TTC39B: variants seen among roughly 807,000 people sequenced by gnomAD.
TTC39B encodes tetratricopeptide repeat protein 39B.
TTC39B carries 92 observed loss-of-function variants against 96.6 expected under a neutral mutation model. That is an observed-to-expected ratio of 0.95 (90% CI 0.80 to 1.13). The LOEUF (loss-of-function observed/expected upper bound fraction) is 1.13, where lower values mean the gene tolerates loss of function less well. TTC39B is among the 50% of genes most tolerant of loss of function. The pLI, the probability that TTC39B is intolerant of heterozygous loss-of-function variation, is 0.00. For synonymous variants in TTC39B, 367 were observed against 299.4 expected (o/e 1.23, Z -2.33); for missense variants, 955 against 809.3 (o/e 1.18, Z -2.18).
intron 3 of TTC39B, among the ~76,000 whole-genome samples, 192 bp downstream of exon 3, chr9:15,225,725 T>G (rs1223678655): frequency 6.6e-6 from 1 of 152,242 alleles, no homozygotes; most frequent in African/African-American, 2.4e-5. Flanking sequence ...GTGCCACCTA[T>G]TCACTGAGTC....
chr9:15,272,501 T>C (rs1034767593), intron 1 of TTC39B, among the ~76,000 whole-genome samples: 4 of 152,178 alleles, frequency 2.6e-5, no homozygotes, highest in African/African-American at 7.2e-5. Flanking sequence ...CGGTGTTTAG[T>C]TCCCTCCTTA....
intron 7 of TTC39B, among the ~76,000 whole-genome samples, chr9:15,203,152 G>A (rs1370057546): frequency 6.6e-6 from 1 of 152,194 alleles, no homozygotes; most frequent in East Asian, 1.9e-4. Context: ...TCCCATGTGC[G>A]GACTCTACCA....
chr9:15,167,344 A>C (rs1392776316), exon 20 of TTC39B: 1 of 148,918 alleles, frequency 6.7e-6, no homozygotes, highest in African/African-American at 2.5e-5. Flanking sequence ...CACCATTGCC[A>C]GCCTCTAAAA....
In TTC39B at chr9:15,294,428, T is replaced by C. The variant is rs181126804; in HGVS notation, c.240+12656A>G. Among the ~76,000 whole-genome samples the C allele has an allele frequency of 3.9e-5, 6 of 152,330 alleles. No individual in the cohort carries two copies. The East Asian group carries it at 9.6e-4, about 24-fold the overall frequency. On this transcript the variant is annotated intron_variant, in intron 1 of 19. Transcript: ENST00000512701. Reference sequence around the variant, plus strand: ...AAAACCCTGTAAGAACTTTATGACATTGACCAAAATGTTTGGAGAAAACAA... The same window carrying C: ...AAAACCCTGTAAGAACTTTATGACACTGACCAAAATGTTTGGAGAAAACAA...
intron 8 of TTC39B, among the ~76,000 whole-genome samples, chr9:15,193,042 C>G (rs1282452034): frequency 1.3e-5 from 2 of 152,178 alleles, no homozygotes; most frequent in Admixed American, 1.3e-4. Context: ...GCGCTCAGCT[C>G]CTCCACCACT....
intron 5 of TTC39B, among the ~76,000 whole-genome samples, chr9:15,210,980 T>A (rs759641612): frequency 2.6e-5 from 4 of 152,214 alleles, no homozygotes; most frequent in Non-Finnish European, 5.9e-5. Context: ...TGGTTTGGCA[T>A]GCAGTACCTA....
chr9:15,168,223 T>A (rs1817563112), exon 20 of TTC39B: 1 of 152,204 alleles, frequency 6.6e-6, no homozygotes, highest in Non-Finnish European at 1.5e-5. Flanking sequence ...GAGGGGCTAC[T>A]GTACTGGACA....
chr9:15,198,392 G>A (rs555174537), intron 8 of TTC39B, among the ~76,000 whole-genome samples: 2 of 151,436 alleles, frequency 1.3e-5, no homozygotes, highest in East Asian at 3.9e-4. Flanking sequence ...AGGAGGCAGA[G>A]GTTGCAGTGA....
intron 1 of TTC39B, among the ~76,000 whole-genome samples, chr9:15,304,174 T>C (rs1023987288): frequency 3.9e-5 from 6 of 152,166 alleles, no homozygotes; most frequent in Admixed American, 6.5e-5. Context: ...CCAACTAAAA[T>C]GACTTCAAGA....
At chr9:15,185,282 G>C (rs756212719) in exon 16 of TTC39B, 23 of 1,611,198 alleles carry the variant, frequency 1.4e-5, no homozygotes, top group Non-Finnish European at 2.0e-5. Flanking sequence ...GCAGATACCA[G>C]GGCAGGTAAG....
chr9:15,302,161 G>GA (rs548469136), intron 1 of TTC39B, among the ~76,000 whole-genome samples: 46 of 144,942 alleles, frequency 3.2e-4, no homozygotes, highest in African/African-American at 9.0e-4. Context: ...CATCTCTACT[G>GA]AAAAAAATAC....
intron 3 of TTC39B, among the ~76,000 whole-genome samples, chr9:15,217,618 A>C (rs1173205763): frequency 6.6e-6 from 1 of 152,112 alleles, no homozygotes; most frequent in Admixed American, 6.6e-5. Context: ...GTTCCTCTTC[A>C]TTTCCACTGC....
intron 3 of TTC39B, among the ~76,000 whole-genome samples, chr9:15,216,749 G>A (rs769459827): frequency 6.6e-6 from 1 of 152,130 alleles, no homozygotes; most frequent in Non-Finnish European, 1.5e-5. Flanking sequence ...TAATATTTAT[G>A]CTAAATATGT....
At chr9:15,218,632 T>TAAAAAAAAAAAAATATATATATATA (rs545882970) in intron 3 of TTC39B, among the ~76,000 whole-genome samples, 1 of 105,110 alleles carries the variant, frequency 9.5e-6, no homozygotes, top group African/African-American at 3.6e-5. Flanking sequence ...TTAGTCTATT[T>TAAAAAAAAAAAAATATATATATATA]TAAATATATA....
chr9:15,295,109 G>C (rs975223909), intron 1 of TTC39B, among the ~76,000 whole-genome samples: 2 of 152,096 alleles, frequency 1.3e-5, no homozygotes, highest in Non-Finnish European at 1.5e-5. Flanking sequence ...TAATTCATAA[G>C]GCTTACAATA....
intron 9 of TTC39B, among the ~76,000 whole-genome samples, chr9:15,191,888 G>A (rs1000403254): frequency 2.0e-5 from 3 of 152,208 alleles, no homozygotes; most frequent in East Asian, 1.9e-4. Context: ...GAAGAAGTAC[G>A]TGGTCAGATC....
intron 18 of TTC39B, 48 bp from the exon 19 acceptor site, chr9:15,175,183 A>G (rs1817867067): frequency 1.5e-6 from 2 of 1,290,760 alleles, no homozygotes; most frequent in Non-Finnish European, 2.2e-6. Context: ...AACAAGAAAT[A>G]CACATTTTTC....
chr9:15,264,732 T>A (rs1823066957), intron 2 of TTC39B, among the ~76,000 whole-genome samples: 1 of 105,500 alleles, frequency 9.5e-6, no homozygotes, highest in Admixed American at 8.6e-5. Context: ...AATTTTACTA[T>A]ATATATATAT....
At chr9:15,236,695 A>C (rs1329891815) in intron 2 of TTC39B, among the ~76,000 whole-genome samples, 1 of 152,222 alleles carries the variant, frequency 6.6e-6, no homozygotes, top group South Asian at 2.1e-4. Context: ...AAGTACATGG[A>C]ACCTAAACAA....
Sources: allele counts gnomAD v4.1 joint callset (sites outside exome capture counted in the v4.1 genomes callset), GRCh38; gene constraint gnomAD v4.1.1; transcripts MANE v1.5; gene names NCBI Gene and HGNC (gene_info 2026-07-23, HGNC 2026-07-21).